The following GRID2 variants were observed in gnomAD, a reference collection of about 807,000 sequenced individuals.
GRID2 encodes the protein glutamate ionotropic receptor delta type subunit 2.
In GRID2, 33 loss-of-function variants were observed where a neutral mutation model predicts 114.8. That is an observed-to-expected ratio of 0.29 (90% CI 0.22 to 0.38). The LOEUF is 0.38. GRID2 is among the 10% of genes least tolerant of loss of function. GRID2 has a pLI of 1.00. For synonymous variants in GRID2, 505 were observed against 449.9 expected, an observed-to-expected ratio of 1.12 and a Z score of -1.55; for missense variants, 1,184 against 1,257.7, an observed-to-expected ratio of 0.94 and a Z score of 0.89.
intron 14 of GRID2, among the ~76,000 whole-genome samples, chr4:93,763,977 A>G (rs886571352): frequency 3.3e-5 from 5 of 152,192 alleles, no homozygotes; most frequent in African/African-American, 1.2e-4. Flanking sequence ...GTATTTAAGG[A>G]CAAAATCAGA....
intron 14 of GRID2, among the ~76,000 whole-genome samples, chr4:93,767,205 TC>T (rs1248467957): frequency 6.6e-6 from 1 of 152,194 alleles, no homozygotes; most frequent in African/African-American, 2.4e-5. Context: ...TTTCTGCTGG[TC>T]TTCTGAGAGT....
chr4:92,391,362 A>C (rs1730230332), intron 1 of GRID2, among the ~76,000 whole-genome samples: 1 of 152,144 alleles, frequency 6.6e-6, no homozygotes, highest in South Asian at 2.1e-4. Context: ...CATTATTTTG[A>C]GGATTAAAAG....
chr4:93,236,973 C>T (rs1314790668), intron 7 of GRID2, among the ~76,000 whole-genome samples: 2 of 151,936 alleles, frequency 1.3e-5, no homozygotes, highest in African/African-American at 4.8e-5. Context: ...ATGTCAAGAA[C>T]TTTTCAATAT....
intron 2 of GRID2, among the ~76,000 whole-genome samples, chr4:92,611,305 C>G (rs982428210): frequency 6.6e-6 from 1 of 151,462 alleles, no homozygotes; most frequent in Non-Finnish European, 1.5e-5. Context: ...TGAGGACTCT[C>G]CACTTAGGTT....
chr4:92,654,250 A>G (rs1362335294), intron 2 of GRID2, among the ~76,000 whole-genome samples: 2 of 151,986 alleles, frequency 1.3e-5, no homozygotes. Flanking sequence ...ACATGGCAGA[A>G]AGAACAAGCT....
intron 1 of GRID2, among the ~76,000 whole-genome samples, chr4:92,497,259 G>A (rs1303058678): frequency 6.6e-6 from 1 of 151,772 alleles, no homozygotes; most frequent in Non-Finnish European, 1.5e-5. Context: ...CTTAGTAGGT[G>A]TCAAAACATA....
intron 6 of GRID2, among the ~76,000 whole-genome samples, chr4:93,217,553 CTG>C (rs986269697): frequency 1.3e-5 from 2 of 151,938 alleles, no homozygotes; most frequent in African/African-American, 4.8e-5. Flanking sequence ...GAAAAAGCCT[CTG>C]TGGTTTTTTT....
chr4:93,344,499 A>G (rs980031956), intron 8 of GRID2, among the ~76,000 whole-genome samples: 1 of 151,740 alleles, frequency 6.6e-6, no homozygotes, highest in Non-Finnish European at 1.5e-5. Context: ...ATGTTTTGAT[A>G]TATGTACCTA....
intron 3 of GRID2, among the ~76,000 whole-genome samples, chr4:93,100,286 A>G (rs1731588186): frequency 6.6e-6 from 1 of 151,866 alleles, no homozygotes; most frequent in Non-Finnish European, 1.5e-5. Context: ...ATTCAATCTC[A>G]GTGATGGGCC....
intron 2 of GRID2, among the ~76,000 whole-genome samples, chr4:92,650,431 T>A (rs1731869182): frequency 6.6e-6 from 1 of 152,128 alleles, no homozygotes; most frequent in Non-Finnish European, 1.5e-5. Context: ...CAGGGCGTGA[T>A]ATTACTAAGA....
chr4:93,547,684 G>A (rs1275965568), intron 13 of GRID2, among the ~76,000 whole-genome samples: 1 of 152,098 alleles, frequency 6.6e-6, no homozygotes, highest in Non-Finnish European at 1.5e-5. Context: ...GAGAGCCTTG[G>A]GAATTTCTCA....
At chr4:92,691,360 A>G (rs1296681714) in intron 2 of GRID2, among the ~76,000 whole-genome samples, 1 of 152,088 alleles carries the variant, frequency 6.6e-6, no homozygotes, top group Non-Finnish European at 1.5e-5. Context: ...CAGATAATCA[A>G]TGAGAATTGA....
chr4:93,422,817 A>G lies in GRID2; in HGVS notation c.1394A>G (p.Lys465Arg). 6.2e-7 allele frequency: 1 copy of G among 1,613,800 alleles called. No individual in the cohort carries two copies. ...TCTGAAAATGTCTTGGGTAAGCCGA[A>G]GAAATACCAGGGCTTCTCCATTGAT... ...MVSENVLGKP[K>R]KYQGFSIDVL... The change falls in exon 10 of 16, where the codon AAG becomes AGG. Residue 465 changes from lysine to arginine, a missense_variant. By Grantham distance (26) the Lys-to-Arg change is conservative (BLOSUM62 2). Transcript: ENST00000282020.
intron 1 of GRID2, among the ~76,000 whole-genome samples, chr4:92,552,540 A>G (rs992472607): frequency 1.3e-5 from 2 of 152,158 alleles, no homozygotes; most frequent in Non-Finnish European, 2.9e-5. Flanking sequence ...AGTAAAATCC[A>G]TGATGGCTGA....
At chr4:93,332,269 T>C (rs868227369) in intron 8 of GRID2, among the ~76,000 whole-genome samples, 4 of 127,136 alleles carry the variant, frequency 3.1e-5, no homozygotes, top group East Asian at 2.8e-4. Context: ...TGTGTGTGCG[T>C]GTGTGTGTGT....
rs867956310 is a variant in GRID2, at chr4:93,679,376, G to T, written c.2360+52941G>T. On this transcript the variant is annotated intron_variant, in intron 14 of 15. Coordinates refer to ENST00000282020, the MANE Select transcript of GRID2 (RefSeq NM_001510.4). ...CAACATTAGACAGATCAACGAGACA[G>T]AAAGTTAACAAGGATACCCAGGAAT... Among the ~76,000 whole-genome samples, 193 of 150,894 alleles carry T rather than the reference G, an allele frequency of 1.3e-3. 14 individuals are homozygous for T. Among genetic ancestry groups the T allele is most frequent in the African/African-American group, 4.7e-3 (190 of 40,648 alleles).
At chr4:93,228,569 A>C (rs1579354266) in intron 7 of GRID2, among the ~76,000 whole-genome samples, 1 of 152,308 alleles carries the variant, frequency 6.6e-6, no homozygotes, top group African/African-American at 2.4e-5. Flanking sequence ...GTACTTGAGA[A>C]TTAAATGTAT....
chr4:92,696,740 A>G (rs1734441418), intron 2 of GRID2, among the ~76,000 whole-genome samples: 2 of 152,264 alleles, frequency 1.3e-5, no homozygotes, highest in African/African-American at 4.8e-5. Context: ...GTGAAAAAAT[A>G]TTTCCAAAAT....
rs533095929 is a variant in GRID2, at chr4:92,919,546, G to A, written c.245-165449G>A. Among the ~76,000 whole-genome samples, 98 of 152,262 alleles carry A rather than the reference G, an allele frequency of 6.4e-4. 1 individual carries two copies. Among genetic ancestry groups the A allele is most frequent in the African/African-American group, 2.2e-3 (93 of 41,558 alleles). ...GAATGTGTCCCAGAGATTCTGGTATGTTGTGTCTTTGTTCTCATTGGTTTC... is the reference window on the plus strand; with the variant it reads ...GAATGTGTCCCAGAGATTCTGGTATATTGTGTCTTTGTTCTCATTGGTTTC... On this transcript the variant is annotated intron_variant, in intron 2 of 15. Coordinates refer to ENST00000282020, the MANE Select transcript of GRID2 (RefSeq NM_001510.4).
Sources: gnomAD v4.1 joint callset for allele counts (sites outside exome capture counted in the v4.1 genomes callset) on GRCh38, gnomAD v4.1.1 for gene constraint, MANE v1.5 for transcripts, NCBI Gene and HGNC (gene_info 2026-07-23, HGNC 2026-07-21) for gene names.